Variants in NOP9 observed in about 807,000 individuals in gnomAD.
NOP9 encodes the protein nucleolar protein 9.
NOP9 carries 50 observed loss-of-function variants against 63.0 expected under a neutral mutation model. That is an observed-to-expected ratio of 0.79 (90% CI 0.63 to 1.00). NOP9 has a LOEUF of 1.00. Ranked by LOEUF, NOP9 falls within the 50% of genes least tolerant of loss-of-function variation. The pLI, the probability that NOP9 is intolerant of heterozygous loss-of-function variation, is 0.00. For missense variants in NOP9, 758 were observed against 803.0 expected (o/e 0.94, Z 0.68); for synonymous variants, 343 against 332.8 (o/e 1.03, Z -0.33).
chr14:24,271,365 G>T, the NOP9 span: 1 of 402,856 alleles, frequency 2.5e-6, no homozygotes, highest in Non-Finnish European at 4.3e-6. Flanking sequence ...AGCCCGATTC[G>T]CCCGGGCCAG....
chr14:24,303,030 G>T (rs372781354), intron 5 of NOP9, 44 bp from the exon 6 acceptor site: 3 of 1,494,608 alleles, frequency 2.0e-6, no homozygotes, highest in Admixed American at 2.4e-5. Flanking sequence ...AATGTGGTCC[G>T]CCATTACCAG....
the NOP9 span, among the ~76,000 whole-genome samples, chr14:24,287,734 T>C: frequency 6.6e-6 from 1 of 152,126 alleles, no homozygotes; most frequent in East Asian, 1.9e-4. Context: ...CCTTTATGTG[T>C]CTGGTTAGTC....
chr14:24,300,110 T>A lies in NOP9; in HGVS notation c.156T>A (p.Asp52Glu). The A allele has an allele frequency of 6.2e-7, 1 of 1,613,508 alleles. No individual in the cohort carries two copies. Among genetic ancestry groups the A allele is most frequent in the Non-Finnish European group, 8.5e-7 (1 of 1,179,872 alleles). The stretch of plus-strand genomic sequence containing the variant: ...ATGGGCGCTCGGAGCCGGCTCCAGA[T>A]TCGCACCCGCACCTGAGCCCGGAAG... The part of the protein sequence containing the change: ...PPDGRSEPAP[D>E]SHPHLSPEAL... The change falls in exon 1 of 10, where the codon GAT (aspartate) becomes GAA (glutamate). Residue 52 changes from aspartate (D) to glutamate (E), a missense_variant. Coordinates refer to ENST00000267425, the MANE Select transcript of NOP9 (RefSeq NM_174913.3).
chr14:24,291,156 C>G, the NOP9 span: 1 of 1,614,172 alleles, frequency 6.2e-7, no homozygotes, highest in East Asian at 2.2e-5. Flanking sequence ...ATCCCGAAGG[C>G]CATAGCGTCG....
chr14:24,307,391 G>T lies in NOP9; in HGVS notation c.*2296G>T. On this transcript the variant is annotated 3_prime_UTR_variant, in exon 10 of 10. Coordinates refer to ENST00000267425, the MANE Select transcript of NOP9 (RefSeq NM_174913.3). ...CTTACTTTGGCTAGCAGCTCCTGGCGGGTGGCAGCTGTCAGGCCTTTCCGG... is the reference window on the plus strand; with the variant it reads ...CTTACTTTGGCTAGCAGCTCCTGGCTGGTGGCAGCTGTCAGGCCTTTCCGG... The T allele has an allele frequency of 6.2e-7, 1 of 1,613,778 alleles. No homozygotes were observed. The highest frequency in any genetic ancestry group is 1.7e-4 in the Middle Eastern group (1 of 6,030).
chr14:24,297,476 A>C (rs2041270565), upstream of NOP9, among the ~76,000 whole-genome samples: 1 of 152,204 alleles, frequency 6.6e-6, no homozygotes, highest in South Asian at 2.1e-4. Context: ...CCTATTCTCC[A>C]AATTTATGCT....
upstream of NOP9, chr14:24,296,556 C>T (rs1312834072): frequency 1.9e-6 from 3 of 1,614,076 alleles, no homozygotes; most frequent in South Asian, 3.3e-5. Flanking sequence ...CAGGGGTTTC[C>T]CAGAATGCCT....
At position 24,305,668 on chromosome 14, in the gene NOP9, G is replaced by C. The variant is rs915256414; in HGVS notation, c.*573G>C. ...TGGAGGCGGCCCTTCTGCTGCCACT[G>C]CTCAGCCCCCTCCACTGCATGACGA... On this transcript the variant is annotated 3_prime_UTR_variant, in exon 10 of 10. Coordinates refer to ENST00000267425, the MANE Select transcript of NOP9 (RefSeq NM_174913.3). 6.2e-7 allele frequency: 1 copy of C among 1,614,058 alleles called. No individual in the cohort carries two copies. Among genetic ancestry groups the C allele is most frequent in the Non-Finnish European group, 8.5e-7 (1 of 1,180,026 alleles).
At chr14:24,299,802 C>G (rs1594614896), upstream of NOP9, 2 of 1,021,834 alleles carry the variant, frequency 2.0e-6, no homozygotes, top group Non-Finnish European at 2.7e-6. Flanking sequence ...CCACCCCGCC[C>G]GGCTGGGGCG....
In NOP9 at chr14:24,301,503, A is replaced by G. The variant is rs2041375737; in HGVS notation, c.698-109A>G. On this transcript the variant is annotated intron_variant, in intron 2 of 9. Transcript: ENST00000267425. ...TCCAGAAGAGACATTTAGTTGTACTACATCTGTTCTGCATCTCCAAGCGGA... is the reference window on the plus strand; with the variant it reads ...TCCAGAAGAGACATTTAGTTGTACTGCATCTGTTCTGCATCTCCAAGCGGA... 2.3e-6 allele frequency: 3 copies of G among 1,322,958 alleles called. No homozygotes were observed. The African/African-American group carries it at 4.4e-5, about 19-fold the overall frequency. 82.0% of individuals were successfully genotyped at this position (1,322,958 alleles called of 1,614,324 possible).
In NOP9 at chr14:24,306,078, G is replaced by C; in HGVS notation, c.*983G>C. ...GCTTGTACACGTCAAAGGTGAATCG[G>C]GCGATGTCCTTGCTGTGCTTGGGCC... On this transcript the variant is annotated 3_prime_UTR_variant, in exon 10 of 10. Coordinates refer to ENST00000267425, the MANE Select transcript of NOP9 (RefSeq NM_174913.3). 1 of 1,614,128 alleles carries C rather than the reference G, an allele frequency of 6.2e-7. No individual in the cohort carries two copies.
At chr14:24,275,585 A>G in the NOP9 span, among the ~76,000 whole-genome samples, 1 of 152,244 alleles carries the variant, frequency 6.6e-6, no homozygotes, top group East Asian at 1.9e-4. Flanking sequence ...ACACACACAT[A>G]GTCACTTACA....
rs184378692 is a variant in NOP9, at chr14:24,308,226, C to T, written c.*3131C>T. ...GGGAATTTCTGGGGACGGTTTCTGG[C>T]TCTCAGGCTCTGAGAAGCTGCAGTT... On this transcript the variant is annotated 3_prime_UTR_variant, in exon 10 of 10. Transcript: ENST00000267425. 1.0e-5 allele frequency: 3 copies of T among 297,986 alleles called. No homozygotes were observed. The highest frequency in any genetic ancestry group is 1.9e-5 in the Non-Finnish European group (3 of 154,224). 18.5% of individuals were successfully genotyped at this position (297,986 alleles called of 1,614,324 possible).
the NOP9 span, among the ~76,000 whole-genome samples, chr14:24,272,454 A>G: frequency 6.6e-6 from 1 of 151,956 alleles, no homozygotes; most frequent in Non-Finnish European, 1.5e-5. Flanking sequence ...CACTTCTTAA[A>G]CTCGCTTAAA....
the NOP9 span, among the ~76,000 whole-genome samples, chr14:24,286,251 A>G: frequency 6.6e-6 from 1 of 152,186 alleles, no homozygotes. Context: ...CCACCACCAC[A>G]GTCCCACAAT....
At chr14:24,292,378 T>G in the NOP9 span, 1 of 1,609,040 alleles carries the variant, frequency 6.2e-7, no homozygotes, top group Non-Finnish European at 8.5e-7. Context: ...CCATGTCACT[T>G]TCCTGCCCTG....
Position 24,299,892 on chromosome 14 carries a change from C to G in NOP9, c.-63C>G. The G allele has an allele frequency of 2.0e-6, 3 of 1,491,752 alleles. No individual in the cohort carries two copies. Among genetic ancestry groups the G allele is most frequent in the Non-Finnish European group, 2.7e-6 (3 of 1,123,410 alleles). The allele number at this position is 1,491,752 out of a possible 1,614,324, so 92.4% of individuals were successfully genotyped here. A position where few individuals can be genotyped will look rare whatever the true frequency, so the allele number is the denominator to read the frequency against. On this transcript the variant is annotated 5_prime_UTR_variant, in exon 1 of 10. Transcript: ENST00000267425. ...TTGTCTGGATAAGGCGCACGCTTGG[C>G]GACGTCGAAGGTCCGTCCGCAGTTA...
chr14:24,284,547 G>A, the NOP9 span, among the ~76,000 whole-genome samples: 2 of 152,094 alleles, frequency 1.3e-5, no homozygotes, highest in Non-Finnish European at 2.9e-5. Context: ...GCGCTTGGTG[G>A]GGAGGGTGGG....
the NOP9 span, among the ~76,000 whole-genome samples, chr14:24,274,668 G>T: frequency 6.6e-6 from 1 of 151,542 alleles, no homozygotes; most frequent in Non-Finnish European, 1.5e-5. Flanking sequence ...TGGAGTAGTG[G>T]TGCGGTGTCT....
Sources: allele counts gnomAD v4.1 joint callset (sites outside exome capture counted in the v4.1 genomes callset), GRCh38; gene constraint gnomAD v4.1.1; transcripts MANE v1.5; gene names NCBI Gene and HGNC (gene_info 2026-07-23, HGNC 2026-07-21).